Variants in SDK1 observed in about 807,000 individuals in gnomAD.
The protein encoded by SDK1 is protein sidekick-1.
In SDK1, 157 loss-of-function variants were observed where a neutral mutation model predicts 245.5. The observed-to-expected ratio is 0.64, with a 90% CI of 0.56 to 0.73. The LOEUF (loss-of-function observed/expected upper bound fraction) is 0.73, where lower values mean the gene tolerates loss of function less well. Ranked by LOEUF, SDK1 falls within the 30% of genes least tolerant of loss-of-function variation. The pLI, the probability that SDK1 is intolerant of heterozygous loss-of-function variation, is 0.00. For missense variants in SDK1, 3,583 were observed against 3,002.3 expected (o/e 1.19, Z -4.52); for synonymous variants, 1,647 against 1,278.5 (o/e 1.29, Z -6.15).
rs78753989 is a variant in SDK1, at chr7:3,322,352, G to C, written c.298+20468G>C. Among the ~76,000 whole-genome samples, 1,440 of 152,248 alleles carry C rather than the reference G, an allele frequency of 9.5e-3. 23 individuals are homozygous for C. The highest frequency in any genetic ancestry group is 0.033 in the African/African-American group (1,356 of 41,550). Reference sequence around the variant, plus strand: ...ATGACTGAATAATATTCCATTGTATGTATGTGCCACAGTTTGTTTATCCAT... The same window carrying C: ...ATGACTGAATAATATTCCATTGTATCTATGTGCCACAGTTTGTTTATCCAT... On this transcript the variant is annotated intron_variant, in intron 1 of 44. Coordinates refer to ENST00000404826, the MANE Select transcript of SDK1 (RefSeq NM_152744.4).
At position 4,250,214 on chromosome 7, in the gene SDK1, C is replaced by T. The variant is rs373585810; in HGVS notation, c.6381+4409C>T. Among the ~76,000 whole-genome samples, 9 of 152,290 alleles carry T rather than the reference C, an allele frequency of 5.9e-5. No homozygotes were observed. In the East Asian group the frequency reaches 7.7e-4, roughly 13 times the overall value. On this transcript the variant is annotated intron_variant, in intron 44 of 44. Transcript: ENST00000404826. The stretch of plus-strand genomic sequence containing the variant: ...TTGCAACGCATTTGAACCACTTTTA[C>T]GAAGTAATCAATTTGTGTGTTTCAT...
At chr7:3,992,151 G>A (rs529904958) in intron 14 of SDK1, among the ~76,000 whole-genome samples, 3 of 152,338 alleles carry the variant, frequency 2.0e-5, no homozygotes, top group African/African-American at 4.8e-5. Context: ...AAACCCACAT[G>A]GTTTAGTGGC....
intron 5 of SDK1, among the ~76,000 whole-genome samples, chr7:3,891,171 G>A (rs1215828338): frequency 6.6e-6 from 1 of 152,162 alleles, no homozygotes; most frequent in Admixed American, 6.5e-5. Context: ...GGATGGGGGA[G>A]GCCCCACAGT....
At chr7:3,977,680 G>C (rs1028204404) in intron 13 of SDK1, among the ~76,000 whole-genome samples, 1 of 152,204 alleles carries the variant, frequency 6.6e-6, no homozygotes, top group African/African-American at 2.4e-5. Context: ...TCTTCCCTGC[G>C]CGCAGCTGAT....
At chr7:3,970,095 C>T (rs1262062094) in intron 11 of SDK1, among the ~76,000 whole-genome samples, 5 of 152,236 alleles carry the variant, frequency 3.3e-5, no homozygotes, top group African/African-American at 1.2e-4. Flanking sequence ...ATTGCCAATA[C>T]ACTTTCTCCT....
chr7:3,714,544 C>T (rs970176494), intron 4 of SDK1, among the ~76,000 whole-genome samples: 4 of 152,198 alleles, frequency 2.6e-5, no homozygotes, highest in African/African-American at 9.7e-5. Context: ...CATTTTGTTA[C>T]ATCTTATGTA....
chr7:3,674,781 G>A lies in SDK1; in HGVS notation c.713+32676G>A, dbSNP rs148805067. ...GTGTATTCCAGGTGACCAACATGAC[G>A]TCTTTCTATAAGGAGTTGGACAGAG... On this transcript the variant is annotated intron_variant, in intron 4 of 44. Transcript: ENST00000404826. Among the ~76,000 whole-genome samples the A allele has an allele frequency of 1.6e-3, 237 of 152,224 alleles. 1 individual carries two copies. The highest frequency in any genetic ancestry group is 5.4e-3 in the African/African-American group (226 of 41,536).
chr7:3,735,776 C>T (rs1486162398), intron 4 of SDK1, among the ~76,000 whole-genome samples: 1 of 152,180 alleles, frequency 6.6e-6, no homozygotes, highest in East Asian at 1.9e-4. Flanking sequence ...TTACATTTTA[C>T]TTTCCCACTG....
rs1352267493 is a variant in SDK1 at position 4,268,535 on chromosome 7, G to A, written c.*3151G>A. 1.3e-5 allele frequency: 16 copies of A among 1,260,390 alleles called. No individual in the cohort carries two copies. In the East Asian group the frequency reaches 2.0e-4, roughly 16 times the overall value. The allele number at this position is 1,260,390 out of a possible 1,614,324, so 78.1% of individuals were successfully genotyped here. ...ACCCAGATGGCCACACACGGAACGC[G>A]CCTCCACAGCCCCGGGAGGTGGCTC... On this transcript the variant is annotated 3_prime_UTR_variant, in exon 45 of 45. Transcript: ENST00000404826.
intron 1 of SDK1, among the ~76,000 whole-genome samples, chr7:3,588,217 G>A (rs114020407): frequency 6.6e-6 from 1 of 152,168 alleles, no homozygotes; most frequent in South Asian, 2.1e-4. Flanking sequence ...AAACATACCT[G>A]TTACTTAGGT....
chr7:4,189,086 A>G (rs568443861), intron 35 of SDK1, among the ~76,000 whole-genome samples: 24 of 152,106 alleles, frequency 1.6e-4, no homozygotes, highest in African/African-American at 5.3e-4. Flanking sequence ...TGGGATTTTG[A>G]TGGAAACGTA....
At chr7:4,089,723 A>C (rs1332863011) in intron 22 of SDK1, among the ~76,000 whole-genome samples, 2 of 152,204 alleles carry the variant, frequency 1.3e-5, no homozygotes, top group African/African-American at 2.4e-5. Flanking sequence ...TTTCATGTGG[A>C]ATTTCCAATT....
intron 1 of SDK1, among the ~76,000 whole-genome samples, chr7:3,598,725 G>C (rs1366587338): frequency 1.3e-5 from 2 of 152,166 alleles, no homozygotes; most frequent in Non-Finnish European, 2.9e-5. Flanking sequence ...GTGACCTTTT[G>C]GGATCACATT....
intron 5 of SDK1, among the ~76,000 whole-genome samples, chr7:3,925,357 G>A (rs1288645727): frequency 2.6e-5 from 4 of 152,202 alleles, no homozygotes; most frequent in African/African-American, 9.6e-5. Context: ...AGTTTGCTTA[G>A]AAAAAGCACA....
intron 19 of SDK1, among the ~76,000 whole-genome samples, chr7:4,054,531 C>CT (rs1240126262): frequency 6.6e-6 from 1 of 152,146 alleles, no homozygotes; most frequent in Non-Finnish European, 1.5e-5. Context: ...TTGAATGTTT[C>CT]TAAGGCCACA....
At chr7:3,552,577 C>T (rs999283882) in intron 1 of SDK1, among the ~76,000 whole-genome samples, 17 of 152,114 alleles carry the variant, frequency 1.1e-4, no homozygotes, top group African/African-American at 4.1e-4. Context: ...TTTTGCTGGA[C>T]CACGTTTTAG....
chr7:4,179,210 A>T (rs928210488), intron 35 of SDK1: 2 of 152,322 alleles, frequency 1.3e-5, no homozygotes, highest in Admixed American at 6.5e-5. Flanking sequence ...GAGACCACAG[A>T]ACCTCACCCT....
intron 4 of SDK1, among the ~76,000 whole-genome samples, chr7:3,648,953 T>G (rs1782928029): frequency 6.6e-6 from 1 of 152,230 alleles, no homozygotes; most frequent in Non-Finnish European, 1.5e-5. Flanking sequence ...TGTTCAGTGC[T>G]GCTGTTAAGG....
intron 1 of SDK1, among the ~76,000 whole-genome samples, chr7:3,609,143 GAATT>G (rs1291476138): frequency 6.6e-6 from 1 of 152,022 alleles, no homozygotes; most frequent in Non-Finnish European, 1.5e-5. Flanking sequence ...ATTTTTTAAG[GAATT>G]AATAACTTTT....
Sources: gnomAD v4.1 joint callset for allele counts (sites outside exome capture counted in the v4.1 genomes callset) on GRCh38, gnomAD v4.1.1 for gene constraint, MANE v1.5 for transcripts, NCBI Gene and HGNC (gene_info 2026-07-23, HGNC 2026-07-21) for gene names.